EXOC4: variants seen among roughly 807,000 people sequenced by gnomAD.
The protein encoded by EXOC4 is SEC8-like 1.
In EXOC4, 71 loss-of-function variants were observed where a neutral mutation model predicts 107.2. The ratio of observed to expected loss-of-function variants is 0.66; its 90% CI spans 0.55 to 0.81. The LOEUF (loss-of-function observed/expected upper bound fraction) is 0.81. EXOC4 is among the 30% of genes least tolerant of loss of function. The pLI is 0.00. For missense variants in EXOC4, 1,108 were observed against 1,189.6 expected (o/e 0.93, Z 1.01); for synonymous variants, 456 against 441.2 (o/e 1.03, Z -0.42).
rs984218752 is a variant in EXOC4 at position 133,714,790 on chromosome 7, T to C, written c.1514+84649T>C. On this transcript the variant is annotated intron_variant, in intron 10 of 17. Coordinates refer to ENST00000253861, the MANE Select transcript of EXOC4 (RefSeq NM_021807.4). ...GAGCATCCATGGGCAGTGGGCTGGG[T>C]TGGTCCTGGAACCAGTCCCCATACA... 7.9e-5 allele frequency among the ~76,000 whole-genome samples: 12 copies of C among 152,266 alleles called. 1 individual carries two copies. The highest frequency in any genetic ancestry group is 2.9e-4 in the African/African-American group (12 of 41,566).
rs1403950550 is a variant in EXOC4 at position 133,938,014 on chromosome 7, G to A, written c.2151G>A (p.Leu717=). Residue 717 remains leucine, a synonymous_variant, in exon 14 of 18, where the codon CTG becomes CTA. Transcript: ENST00000253861. The part of the protein sequence containing the change: ...LKALANMHES[L]EWLASRTKSA... The stretch of plus-strand genomic sequence containing the variant: ...CCTTGGCCAACATGCATGAAAGCCT[G>A]GAATGGTTGGCAAGTCGAACAAAGT... 1.9e-6 allele frequency: 3 copies of A among 1,614,008 alleles called. No individual in the cohort carries two copies. The highest frequency in any genetic ancestry group is 1.3e-5 in the African/African-American group (1 of 74,886).
chr7:133,447,302 A>G (rs1798241945), intron 7 of EXOC4: 1 of 152,266 alleles, frequency 6.6e-6, no homozygotes, highest in South Asian at 2.1e-4. Context: ...TAACTAGGAT[A>G]TATAGATCTT....
intron 13 of EXOC4, among the ~76,000 whole-genome samples, chr7:133,925,755 A>G (rs1800035851): frequency 6.6e-6 from 1 of 152,142 alleles, no homozygotes; most frequent in Admixed American, 6.5e-5. Context: ...TGAAAGATGC[A>G]CAATAAAGAA....
intron 10 of EXOC4, among the ~76,000 whole-genome samples, chr7:133,658,450 C>T (rs1803353803): frequency 6.6e-6 from 1 of 152,086 alleles, no homozygotes. Context: ...TGTGTCTGTC[C>T]CTGCCGAATA....
intron 10 of EXOC4, among the ~76,000 whole-genome samples, chr7:133,811,799 G>A (rs952563324): frequency 3.3e-5 from 5 of 152,138 alleles, no homozygotes; most frequent in African/African-American, 7.2e-5. Context: ...TAAAAATTTT[G>A]TATTGAAATC....
At chr7:134,005,715 A>T (rs566960665) in intron 16 of EXOC4, among the ~76,000 whole-genome samples, 1 of 152,300 alleles carries the variant, frequency 6.6e-6, no homozygotes, top group Admixed American at 6.5e-5. Flanking sequence ...AGGACTCCAC[A>T]TTATGTTCCC....
chr7:133,500,127 T>C (rs1399718936), intron 9 of EXOC4, among the ~76,000 whole-genome samples: 1 of 152,240 alleles, frequency 6.6e-6, no homozygotes, highest in Non-Finnish European at 1.5e-5. Flanking sequence ...TGAAATGGCT[T>C]GTGTATTTTC....
intron 10 of EXOC4, among the ~76,000 whole-genome samples, chr7:133,760,558 G>A (rs1397348943): frequency 6.6e-6 from 1 of 152,090 alleles, no homozygotes; most frequent in East Asian, 1.9e-4. Flanking sequence ...GCACACGTGA[G>A]TGCCTGGCAC....
intron 10 of EXOC4, among the ~76,000 whole-genome samples, chr7:133,722,175 T>C (rs1562924112): frequency 6.6e-6 from 1 of 152,262 alleles, no homozygotes; most frequent in Non-Finnish European, 1.5e-5. Flanking sequence ...CTTTGCCCTG[T>C]ATCCCATTTG....
In EXOC4 at chr7:133,538,849, AAGAAAGAAAG is replaced by A. The variant is rs1237338803; in HGVS notation, c.1417+58715_1417+58724del. On this transcript the variant is annotated intron_variant, in intron 9 of 17. Transcript: ENST00000253861. Reference sequence around the variant, plus strand: ...CTGTGTCTTGAAAGAAAAAGAAAGAAAGAAAGAAAGAGAGAGAGAGAGAGAGAGAGAGAGG... The same window carrying A: ...CTGTGTCTTGAAAGAAAAAGAAAGAAAGAGAGAGAGAGAGAGAGAGAGAGG... 8.4e-4 allele frequency among the ~76,000 whole-genome samples: 46 copies of A among 54,584 alleles called. 1 individual carries two copies. Among genetic ancestry groups the A allele is most frequent in the Non-Finnish European group, 1.7e-3 (35 of 20,594 alleles). 35.8% of individuals were successfully genotyped at this position (54,584 alleles called of 152,430 possible).
chr7:133,446,185 A>G (rs958683278), intron 7 of EXOC4, among the ~76,000 whole-genome samples: 1 of 152,082 alleles, frequency 6.6e-6, no homozygotes, highest in African/African-American at 2.4e-5. Context: ...CTCTGGTATC[A>G]GTATTCTCTG....
At chr7:133,351,173 T>C (rs1056111915) in intron 5 of EXOC4, among the ~76,000 whole-genome samples, 1 of 152,020 alleles carries the variant, frequency 6.6e-6, no homozygotes, top group African/African-American at 2.4e-5. Flanking sequence ...TGTAGTTTTA[T>C]TATACTGCTT....
intron 9 of EXOC4, among the ~76,000 whole-genome samples, chr7:133,562,849 C>T (rs929990741): frequency 1.6e-4 from 24 of 152,118 alleles, no homozygotes; most frequent in African/African-American, 5.3e-4. Flanking sequence ...TTTTTAGTCC[C>T]TGAGTCATCA....
intron 3 of EXOC4, among the ~76,000 whole-genome samples, chr7:133,295,629 A>G (rs990836675): frequency 6.6e-6 from 1 of 152,186 alleles, no homozygotes; most frequent in African/African-American, 2.4e-5. Context: ...GTGAGTGCTT[A>G]GATAGCAGGA....
intron 10 of EXOC4, among the ~76,000 whole-genome samples, chr7:133,654,902 A>G (rs1803251513): frequency 6.6e-6 from 1 of 152,158 alleles, no homozygotes; most frequent in African/African-American, 2.4e-5. Context: ...TTGTGTGTTT[A>G]AACATCTAAA....
chr7:133,374,732 T>C (rs950041317), intron 6 of EXOC4, 96 bp from the exon 7 acceptor site: 9 of 953,292 alleles, frequency 9.4e-6, no homozygotes, highest in African/African-American at 4.9e-5. Flanking sequence ...CATTGTAGAA[T>C]GCTACTTTAG....
chr7:133,371,947 C>G (rs537101526), intron 6 of EXOC4, among the ~76,000 whole-genome samples: 15 of 152,130 alleles, frequency 9.9e-5, no homozygotes, highest in Non-Finnish European at 2.2e-4. Flanking sequence ...GAAATTCTAG[C>G]TCATTGTGAT....
chr7:133,969,011 C>A (rs1178567817), intron 14 of EXOC4, among the ~76,000 whole-genome samples: 4 of 152,160 alleles, frequency 2.6e-5, no homozygotes, highest in Non-Finnish European at 5.9e-5. Context: ...TCACGTAGTG[C>A]CATATTTCTT....
chr7:133,920,176 A>G (rs187458674), intron 13 of EXOC4, among the ~76,000 whole-genome samples: 7 of 152,284 alleles, frequency 4.6e-5, no homozygotes, highest in East Asian at 1.9e-4. Flanking sequence ...TGCTGTCTCT[A>G]TATCTTTGGT....
Sources: gnomAD v4.1 joint callset for allele counts (sites outside exome capture counted in the v4.1 genomes callset) on GRCh38, gnomAD v4.1.1 for gene constraint, MANE v1.5 for transcripts, NCBI Gene and HGNC (gene_info 2026-07-23, HGNC 2026-07-21) for gene names.